MYB: variants seen among roughly 807,000 people sequenced by gnomAD.
MYB encodes the protein MYB proto-oncogene, transcription factor.
MYB carries 28 observed loss-of-function variants against 92.9 expected under a neutral mutation model. That is an observed-to-expected ratio of 0.30 (90% CI 0.22 to 0.41). MYB has a LOEUF of 0.41. Ranked by LOEUF, MYB falls within the 10% of genes least tolerant of loss-of-function variation. MYB has a pLI of 1.00. For missense variants in MYB, 679 were observed against 929.3 expected, an observed-to-expected ratio of 0.73 and a Z score of 3.50; for synonymous variants, 295 against 329.1, an observed-to-expected ratio of 0.90 and a Z score of 1.12.
In MYB at chr6:135,187,891, G is replaced by A. The variant is rs1346403712; in HGVS notation, c.199G>A (p.Ala67Thr). 1 of 1,609,594 alleles carries A rather than the reference G, an allele frequency of 6.2e-7. No individual in the cohort carries two copies. The change falls in exon 3 of 16, where the codon GCC (alanine) becomes ACC (threonine). Residue 67 changes from alanine (A) to threonine (T), a missense_variant. This residue lies in a region of MYB where 88 missense variants were observed against 145.6 expected (regional missense o/e 0.60). Transcript: ENST00000341911. Reference sequence around the variant, plus strand: ...TGGAACAGATGACTGGAAAGTTATTGCCAATTATCTCCCGGTAAGTTAGTA... The same window carrying A: ...TGGAACAGATGACTGGAAAGTTATTACCAATTATCTCCCGGTAAGTTAGTA... ...QNGTDDWKVI[A>T]NYLPNRTDVQ...
intron 9 of MYB, 143 bp downstream of exon 9, chr6:135,196,145 AAT>A: frequency 1.1e-6 from 1 of 900,382 alleles, no homozygotes; most frequent in Non-Finnish European, 1.6e-6. Context: ...CATCTTCATG[AAT>A]ATGTTTTTTC....
chr6:135,195,330 TCAAAGCAA>T, intron 8 of MYB: 22 of 273,642 alleles, frequency 8.0e-5, no homozygotes, highest in South Asian at 1.6e-4. Context: ...TATGTGTAGA[TCAAAGCAA>T]CTCTAACTCC....
chr6:135,217,808 T>C, intron 15 of MYB, 56 bp from the exon 16 acceptor site: 8 of 1,231,600 alleles, frequency 6.5e-6, no homozygotes, highest in Non-Finnish European at 9.6e-6. Flanking sequence ...CCCTGCTGGG[T>C]CTATAGAATG....
intron 15 of MYB, chr6:135,203,720 C>A: frequency 7.2e-7 from 1 of 1,388,614 alleles, no homozygotes; most frequent in Non-Finnish European, 9.5e-7. Flanking sequence ...CCCTAGGCAA[C>A]CAAAGCTCAG....
chr6:135,200,380 A>G lies in MYB; in HGVS notation c.1915A>G (p.Asn639Asp). 1 of 1,614,166 alleles carries G rather than the reference A, an allele frequency of 6.2e-7. No individual in the cohort carries two copies. The highest frequency in any genetic ancestry group is 8.5e-7 in the Non-Finnish European group (1 of 1,180,032). ...TGGAATTGTTGCTGAGTTTCAAGAA[A>G]ATGGACCACCCTTACTGAAGAAAAT... is the stretch of plus-strand genomic sequence containing the variant. ...ESGIVAEFQE[N>D]GPPLLKKIKQ... The change falls in exon 13 of 16, where the codon AAT (asparagine) becomes GAT (aspartate). Residue 639 changes from asparagine to aspartate, a missense_variant. By Grantham distance (23) the Asn-to-Asp change is conservative (BLOSUM62 1). Coordinates refer to ENST00000341911, the MANE Select transcript of MYB (RefSeq NM_001130173.2).
chr6:135,200,386 C>T lies in MYB; in HGVS notation c.1921C>T (p.Pro641Ser), dbSNP rs1310577408. ...GIVAEFQENG[P>S]PLLKKIKQEV... ...TGTTGCTGAGTTTCAAGAAAATGGA[C>T]CACCCTTACTGAAGAAAATCAAACA... Residue 641 changes from proline (P) to serine (S), a missense_variant, in exon 13 of 16, where the codon CCA becomes TCA. Physicochemically the swap from Pro to Ser is moderately conservative, Grantham distance 74. Transcript: ENST00000341911. 6.2e-7 allele frequency: 1 copy of T among 1,614,088 alleles called. No homozygotes were observed. The highest frequency in any genetic ancestry group is 1.3e-5 in the African/African-American group (1 of 75,020).
chr6:135,211,003 G>C (rs1418198607), intron 15 of MYB, among the ~76,000 whole-genome samples: 2 of 151,814 alleles, frequency 1.3e-5, no homozygotes, highest in Admixed American at 1.3e-4. Context: ...TGTGTCAGTG[G>C]GTCACCAAAA....
chr6:135,191,844 A>G (rs1360252954), intron 5 of MYB, among the ~76,000 whole-genome samples: 1 of 152,174 alleles, frequency 6.6e-6, no homozygotes, highest in Admixed American at 6.5e-5. Context: ...AGAAGTTCTC[A>G]CTAGTGCTTT....
intron 1 of MYB, among the ~76,000 whole-genome samples, chr6:135,185,288 A>T (rs1775764249): frequency 6.6e-6 from 1 of 152,244 alleles, no homozygotes; most frequent in South Asian, 2.1e-4. Flanking sequence ...AAAACATTAA[A>T]GCTTGATCAC....
chr6:135,203,835 C>T lies in MYB; in HGVS notation c.2169+511C>T, dbSNP rs146193376. The T allele has an allele frequency of 1.4e-5, 18 of 1,259,184 alleles. No individual in the cohort carries two copies. The Admixed American group carries it at 2.4e-4, about 17-fold the overall frequency. The allele number at this position is 1,259,184 out of a possible 1,614,324, so 78.0% of individuals were successfully genotyped here. On this transcript the variant is annotated intron_variant, in intron 15 of 15. Transcript: ENST00000341911. ...AAGTCAACTGTCAATGTTGTGAGGC[C>T]GATCTGAAGTTGACCATCTGCTGTC...
rs1403955946 is a variant in MYB at position 135,218,489 on chromosome 6, T to C, written c.*509T>C. The stretch of plus-strand genomic sequence containing the variant: ...AATGCTCATTTATGGTTAATGACAT[T>C]GAAGGTACATTTATTGTACCAAACC... On this transcript the variant is annotated 3_prime_UTR_variant, in exon 16 of 16. Transcript: ENST00000341911. 9.7e-5 allele frequency: 18 copies of C among 185,086 alleles called. No individual in the cohort carries two copies. In the East Asian group the frequency reaches 1.6e-3, roughly 16 times the overall value. The allele number at this position is 185,086 out of a possible 1,614,324, so 11.5% of individuals were successfully genotyped here. A position where few individuals can be genotyped will look rare whatever the true frequency, so the allele number is the denominator to read the frequency against.
In MYB at chr6:135,181,675, C is replaced by A; in HGVS notation, c.23+139C>A. The A allele has an allele frequency of 2.2e-6, 1 of 461,320 alleles. No homozygotes were observed. The highest frequency in any genetic ancestry group is 3.0e-6 in the Non-Finnish European group (1 of 329,312). 28.6% of individuals were successfully genotyped at this position (461,320 alleles called of 1,614,324 possible). A position where few individuals can be genotyped will look rare whatever the true frequency, so the allele number is the denominator to read the frequency against. On this transcript the variant is annotated intron_variant, in intron 1 of 15. Coordinates refer to ENST00000341911, the MANE Select transcript of MYB (RefSeq NM_001130173.2). The surrounding 1 kb of genome is among the most constrained non-coding windows in gnomAD (Gnocchi z 5.3). Reference sequence around the variant, plus strand: ...ACCCTCCGAGGACCTGGAGCCCCTGCCTCGGCAGCAGAAGCCGCTCCAGAG... The same window carrying A: ...ACCCTCCGAGGACCTGGAGCCCCTGACTCGGCAGCAGAAGCCGCTCCAGAG...
chr6:135,205,899 G>A (rs114071504), intron 15 of MYB, among the ~76,000 whole-genome samples: 2,711 of 152,154 alleles, frequency 0.018, 83 homozygotes, highest in African/African-American at 0.061. Context: ...GTGAGACTCA[G>A]TCTCTATTAA....
At chr6:135,209,542 G>A (rs906859727) in intron 15 of MYB, among the ~76,000 whole-genome samples, 2 of 152,162 alleles carry the variant, frequency 1.3e-5, no homozygotes, top group African/African-American at 4.8e-5. Flanking sequence ...CCAAGACTCA[G>A]TGAATTTTAA....
intron 15 of MYB, among the ~76,000 whole-genome samples, chr6:135,204,982 G>A (rs948169800): frequency 2.6e-5 from 4 of 152,196 alleles, no homozygotes; most frequent in South Asian, 4.2e-4. Context: ...CAGGAGGATC[G>A]CTTGAACCCA....
In MYB at chr6:135,190,045, G is replaced by C. The variant is rs1776438723; in HGVS notation, c.307-82G>C. 5 of 1,516,282 alleles carry C rather than the reference G, an allele frequency of 3.3e-6. No homozygotes were observed. The East Asian group carries it at 1.1e-4, about 35-fold the overall frequency. The allele number at this position is 1,516,282 out of a possible 1,614,324, so 93.9% of individuals were successfully genotyped here. ...AAGCAAATTTTGGAAATTTTCTAAA[G>C]ATCTTGTAACACTGAAGAATGATTA... On this transcript the variant is annotated intron_variant, in intron 4 of 15. Coordinates refer to ENST00000341911, the MANE Select transcript of MYB (RefSeq NM_001130173.2). This position sits in a 1 kb window ranked among gnomAD's most constrained non-coding sequence, Gnocchi z 4.5.
At chr6:135,194,319 G>T (rs775060850) in intron 7 of MYB, 37 bp from the exon 8 acceptor site, 2 of 1,483,356 alleles carry the variant, frequency 1.3e-6, no homozygotes, top group African/African-American at 1.4e-5. Context: ...CTTCCAATCA[G>T]ACCTTTGTCT....
chr6:135,208,105 G>A (rs190342942), intron 15 of MYB, among the ~76,000 whole-genome samples: 41 of 114,396 alleles, frequency 3.6e-4, no homozygotes, highest in African/African-American at 9.0e-4. Flanking sequence ...TTGAGACAGC[G>A]TCTTGTTCTG....
At chr6:135,203,510 T>C (rs1778432629) in intron 15 of MYB, 186 bp downstream of exon 15, 3 of 661,182 alleles carry the variant, frequency 4.5e-6, no homozygotes, top group African/African-American at 1.8e-5. Context: ...AATTCCTTTT[T>C]GCTACTCATA....
Sources: gnomAD v4.1 joint callset for allele counts (sites outside exome capture counted in the v4.1 genomes callset) on GRCh38, gnomAD v4.1.1 for gene constraint, gnomAD v4.1.1 regional missense constraint, Gnocchi (gnomAD v3.1) non-coding constraint, MANE v1.5 for transcripts, NCBI Gene and HGNC (gene_info 2026-07-23, HGNC 2026-07-21) for gene names.